GRIP1: variants seen among roughly 807,000 people sequenced by gnomAD.
GRIP1 encodes glutamate receptor interacting protein 1.
In GRIP1, 45 loss-of-function variants were observed where a neutral mutation model predicts 129.9. The ratio of observed to expected loss-of-function variants is 0.35; its 90% CI spans 0.27 to 0.44. The LOEUF (loss-of-function observed/expected upper bound fraction) is 0.44, where lower values mean the gene tolerates loss of function less well. GRIP1 is among the 20% of genes least tolerant of loss of function. The pLI is 1.00. For missense variants in GRIP1, 1,196 were observed against 1,396.8 expected, an observed-to-expected ratio of 0.86 and a Z score of 2.29; for synonymous variants, 530 against 520.8, an observed-to-expected ratio of 1.02 and a Z score of -0.24.
intron 23 of GRIP1, among the ~76,000 whole-genome samples, chr12:66,355,007 A>G (rs1345543152): frequency 2.0e-5 from 3 of 151,742 alleles, no homozygotes; most frequent in African/African-American, 7.3e-5. Context: ...TGTCTGTGAG[A>G]CTCCAGACAC....
At chr12:66,769,043 T>C (rs2037733966) in intron 1 of GRIP1, among the ~76,000 whole-genome samples, 1 of 152,106 alleles carries the variant, frequency 6.6e-6, no homozygotes, top group Non-Finnish European at 1.5e-5. Context: ...TGCATGAGAA[T>C]CATCTGGAGC....
At chr12:66,837,190 C>A (rs1592891668) in intron 1 of GRIP1, among the ~76,000 whole-genome samples, 2 of 152,316 alleles carry the variant, frequency 1.3e-5, no homozygotes, top group East Asian at 3.9e-4. Flanking sequence ...TTACTGAGTA[C>A]CCACTATGAG....
At chr12:66,770,461 G>T (rs1317256224) in intron 1 of GRIP1, among the ~76,000 whole-genome samples, 1 of 152,154 alleles carries the variant, frequency 6.6e-6, no homozygotes, top group African/African-American at 2.4e-5. Flanking sequence ...AAAAAGAAAA[G>T]AAGGATTCAG....
chr12:66,525,434 T>C (rs2061193289), intron 5 of GRIP1, among the ~76,000 whole-genome samples: 1 of 152,244 alleles, frequency 6.6e-6, no homozygotes, highest in East Asian at 1.9e-4. Flanking sequence ...AAAAACCACA[T>C]GATTATCTCA....
chr12:66,845,994 C>T (rs1215350674), intron 1 of GRIP1, among the ~76,000 whole-genome samples: 5 of 152,184 alleles, frequency 3.3e-5, no homozygotes, highest in Non-Finnish European at 7.3e-5. Flanking sequence ...TCCAAATTTG[C>T]ATCACACATT....
chr12:66,620,780 C>T (rs2065236614), intron 1 of GRIP1, among the ~76,000 whole-genome samples: 1 of 151,344 alleles, frequency 6.6e-6, no homozygotes. Context: ...ACCCCCCCAA[C>T]CCCTCCCCCC....
At chr12:67,058,277 G>A (rs2043472150) in intron 1 of GRIP1, among the ~76,000 whole-genome samples, 1 of 152,102 alleles carries the variant, frequency 6.6e-6, no homozygotes, top group African/African-American at 2.4e-5. Context: ...GATGAACTGT[G>A]CCTTAAAAAG....
intron 1 of GRIP1, among the ~76,000 whole-genome samples, chr12:66,746,944 T>C (rs2036966985): frequency 6.6e-6 from 1 of 152,222 alleles, no homozygotes; most frequent in South Asian, 2.1e-4. Context: ...TTAGAATCCA[T>C]TTATGGGCAA....
chr12:66,826,389 C>T (rs868328451), intron 1 of GRIP1, among the ~76,000 whole-genome samples: 1 of 151,916 alleles, frequency 6.6e-6, no homozygotes, highest in African/African-American at 2.4e-5. Context: ...CACCATGGCA[C>T]GTGTATATCT....
chr12:66,462,885 G>C lies in GRIP1; in HGVS notation c.1042+39C>G, dbSNP rs778945308. The C allele has an allele frequency of 2.6e-6, 4 of 1,550,472 alleles. No individual in the cohort carries two copies. The East Asian group carries it at 9.0e-5, about 35-fold the overall frequency. On this transcript the variant is annotated intron_variant, in intron 9 of 24. Coordinates refer to ENST00000359742, the MANE Select transcript of GRIP1 (RefSeq NM_001366722.1). ...TCTGCTAGAGGGAGCAACACTGTGA[G>C]GGCCAGAGAAAGAGCTTGATCCAGG...
At chr12:66,676,675 T>TTGAGGGTGAGGGTGTGGGAGTTG (rs2034349567) in intron 1 of GRIP1, among the ~76,000 whole-genome samples, 1 of 151,992 alleles carries the variant, frequency 6.6e-6, no homozygotes, top group Non-Finnish European at 1.5e-5. Context: ...TGTTTGGGAG[T>TTGAGGGTGAGGGTGTGGGAGTTG]TGAGGGTGAG....
chr12:66,751,516 T>C (rs959210491), intron 1 of GRIP1, among the ~76,000 whole-genome samples: 4 of 152,180 alleles, frequency 2.6e-5, no homozygotes, highest in Non-Finnish European at 5.9e-5. Flanking sequence ...CAGGGCATGA[T>C]GACTGAATGC....
chr12:66,916,663 A>G (rs529693614), intron 1 of GRIP1, among the ~76,000 whole-genome samples: 4 of 152,326 alleles, frequency 2.6e-5, no homozygotes, highest in Admixed American at 1.3e-4. Context: ...GGGGTTAAAA[A>G]AACGATTATT....
intron 1 of GRIP1, among the ~76,000 whole-genome samples, chr12:66,769,225 A>ATT (rs112284216): frequency 0.033 from 4,749 of 144,778 alleles, 89 homozygotes; most frequent in Middle Eastern, 0.083. Context: ...CCAAATGGAA[A>ATT]TTTTTTTTTT....
At chr12:66,454,085 G>A (rs978753510) in intron 11 of GRIP1, among the ~76,000 whole-genome samples, 3 of 152,194 alleles carry the variant, frequency 2.0e-5, no homozygotes, top group Non-Finnish European at 4.4e-5. Flanking sequence ...TCTAAATCAT[G>A]TACAAACCAC....
chr12:66,896,763 T>A (rs2040756342), intron 1 of GRIP1, among the ~76,000 whole-genome samples: 1 of 152,158 alleles, frequency 6.6e-6, no homozygotes, highest in Admixed American at 6.5e-5. Context: ...TCAAGAGAGT[T>A]CTAAGTTAAC....
At chr12:66,907,345 C>T (rs1287096430) in intron 1 of GRIP1, among the ~76,000 whole-genome samples, 2 of 152,122 alleles carry the variant, frequency 1.3e-5, no homozygotes, top group Non-Finnish European at 2.9e-5. Context: ...AGTAATAGAA[C>T]ATTAGGCATT....
rs55729292 is a variant in GRIP1 at position 66,973,378 on chromosome 12, CT to C, written c.58+95671del. 4.3e-3 allele frequency among the ~76,000 whole-genome samples: 554 copies of C among 129,480 alleles called. 1 individual carries two copies. The highest frequency in any genetic ancestry group is 0.017 in the East Asian group (70 of 4,224). The allele number at this position is 129,480 out of a possible 152,430, so 84.9% of individuals were successfully genotyped here. On this transcript the variant is annotated intron_variant, in intron 1 of 1. Transcript: ENST00000643019. ...TTTTTCCCTTTTTTCCTTTTTCATT[CT>C]TTTTTTTTTTTTTTTTTGAAGGAAA...
chr12:66,694,574 T>C (rs1270585477), intron 1 of GRIP1, among the ~76,000 whole-genome samples: 1 of 152,112 alleles, frequency 6.6e-6, no homozygotes, highest in Non-Finnish European at 1.5e-5. Context: ...TAACTATAAA[T>C]GAAGATAATA....
Sources: allele counts gnomAD v4.1 joint callset (sites outside exome capture counted in the v4.1 genomes callset), GRCh38; gene constraint gnomAD v4.1.1; transcripts MANE v1.5; gene names NCBI Gene and HGNC (gene_info 2026-07-23, HGNC 2026-07-21).